ZNF260: variants seen among roughly 807,000 people sequenced by gnomAD.
The protein encoded by ZNF260 is zfp-260.
In ZNF260, 21 loss-of-function variants were observed where a neutral mutation model predicts 29.3. That is an observed-to-expected ratio of 0.72 (90% CI 0.51 to 1.03). The LOEUF is 1.03. ZNF260 is among the 50% of genes least tolerant of loss of function. The pLI, the probability that ZNF260 is intolerant of heterozygous loss-of-function variation, is 0.00. For missense variants in ZNF260, 465 were observed against 487.8 expected, an observed-to-expected ratio of 0.95 and a Z score of 0.44; for synonymous variants, 156 against 156.8, an observed-to-expected ratio of 0.99 and a Z score of 0.04.
intron 1 of ZNF260, among the ~76,000 whole-genome samples, chr19:36,525,622 A>G (rs549136589): frequency 1.4e-4 from 21 of 152,042 alleles, no homozygotes; most frequent in Non-Finnish European, 5.9e-5. Context: ...CCCTGTCTCT[A>G]CTAAAAATAC....
chr19:36,521,415 C>A (rs946578521), intron 2 of ZNF260, among the ~76,000 whole-genome samples: 2 of 152,010 alleles, frequency 1.3e-5, no homozygotes, highest in African/African-American at 4.8e-5. Flanking sequence ...ATAATCAGAA[C>A]AACAAGTAAA....
intron 2 of ZNF260, among the ~76,000 whole-genome samples, chr19:36,521,272 C>G (rs2034641213): frequency 6.6e-6 from 1 of 152,176 alleles, no homozygotes; most frequent in African/African-American, 2.4e-5. Flanking sequence ...ACTTATGCTA[C>G]TATATTCCAA....
At chr19:36,520,451 C>T (rs868231407) in intron 2 of ZNF260, among the ~76,000 whole-genome samples, 64 of 152,056 alleles carry the variant, frequency 4.2e-4, no homozygotes, top group Admixed American at 1.1e-3. Flanking sequence ...GCAAGTATAA[C>T]CGATGCGAAC....
chr19:36,514,530 T>C lies in ZNF260; in HGVS notation c.709A>G (p.Arg237Gly). ...KAFIQKSSLIRHQRSHTGEKP... is the reference protein window; with the variant it reads ...KAFIQKSSLIGHQRSHTGEKP... ...TCTCCTGTGTGACTTCTCTGGTGTC[T>C]AATGAGGCTTGACTTCTGAATGAAA... Residue 237 changes from arginine (R) to glycine (G), a missense_variant, in exon 3 of 3, where the codon AGA becomes GGA. Coordinates refer to ENST00000523638, the MANE Select transcript of ZNF260 (RefSeq NM_001166037.2). 6.2e-7 allele frequency: 1 copy of C among 1,614,020 alleles called. No individual in the cohort carries two copies. The highest frequency in any genetic ancestry group is 8.5e-7 in the Non-Finnish European group (1 of 1,179,998).
At chr19:36,516,479 A>G (rs1406600197) in intron 2 of ZNF260, among the ~76,000 whole-genome samples, 1 of 152,174 alleles carries the variant, frequency 6.6e-6, no homozygotes, top group African/African-American at 2.4e-5. Flanking sequence ...AGTCCTAGCT[A>G]CTGAGGAGAT....
rs2034502365 is a variant in ZNF260 at position 36,514,276 on chromosome 19, T to C, written c.963A>G (p.Val321=). Reference sequence around the variant, plus strand: ...TATCACCTGTATGAATTCTCACATGTACAATAAGTGATGTGATTCGAGAGA... The same window carrying C: ...TATCACCTGTATGAATTCTCACATGCACAATAAGTGATGTGATTCGAGAGA... The part of the protein sequence containing the change: ...KAFSRITSLI[V]HVRIHTGDKP... Residue 321 remains valine, a synonymous_variant, in exon 3 of 3, where the codon GTA becomes GTG. Coordinates refer to ENST00000523638, the MANE Select transcript of ZNF260 (RefSeq NM_001166037.2). 10 of 1,614,156 alleles carry C rather than the reference T, an allele frequency of 6.2e-6. No homozygotes were observed. The highest frequency in any genetic ancestry group is 3.3e-4 in the Middle Eastern group (2 of 6,062).
rs2034500665 is a variant in ZNF260, at chr19:36,514,227, C to T, written c.1012G>A (p.Gly338Arg). The change falls in exon 3 of 3, where the codon GGG (glycine) becomes AGG (arginine). Residue 338 changes from glycine to arginine, a missense_variant. By Grantham distance (125) the Gly-to-Arg change is moderately radical. Coordinates refer to ENST00000523638, the MANE Select transcript of ZNF260 (RefSeq NM_001166037.2). The stretch of plus-strand genomic sequence containing the variant: ...GATGAGCTTTGACAGAAGGCTTTCC[C>T]ACAGACCTTACACTCATAAGGCTTA... ...GDKPYECKVC[G>R]KAFCQSSSLT... 2 of 1,614,086 alleles carry T rather than the reference C, an allele frequency of 1.2e-6. No homozygotes were observed. The highest frequency in any genetic ancestry group is 2.2e-5 in the South Asian group (2 of 91,076).
rs759900296 is a variant in ZNF260, at chr19:36,514,768, A to G, written c.471T>C (p.Ile157=). 6 of 1,613,696 alleles carry G rather than the reference A, an allele frequency of 3.7e-6. No individual in the cohort carries two copies. The highest frequency in any genetic ancestry group is 2.2e-5 in the East Asian group (1 of 44,864). The change falls in exon 3 of 3, where the codon ATT becomes ATC. Residue 157 remains isoleucine (I), a synonymous_variant. Transcript: ENST00000523638. ...GKAYLTEHEK[I]HTGEKPFECN... Reference sequence around the variant, plus strand: ...ATTCAAATGGTTTTTCTCCAGTATGAATTTTCTCATGCTCAGTGAGATATG... The same window carrying G: ...ATTCAAATGGTTTTTCTCCAGTATGGATTTTCTCATGCTCAGTGAGATATG...
At chr19:36,524,370 G>A (rs530551225) in intron 2 of ZNF260, among the ~76,000 whole-genome samples, 1 of 151,756 alleles carries the variant, frequency 6.6e-6, no homozygotes, top group Admixed American at 6.6e-5. Flanking sequence ...TAGTAAAGAC[G>A]GGGTTTCACC....
chr19:36,523,793 G>A lies in ZNF260; in HGVS notation c.-462+1362C>T, dbSNP rs190134519. 6.6e-4 allele frequency among the ~76,000 whole-genome samples: 101 copies of A among 151,914 alleles called. 1 individual carries two copies. The East Asian group carries it at 0.019, about 28-fold the overall frequency. On this transcript the variant is annotated intron_variant, in intron 2 of 2. Transcript: ENST00000523638. ...GGGTTTCACCATGTTGGTCAGGCTGGTCTCAAACTCCTGACCTCATGATCC... is the reference window on the plus strand; with the variant it reads ...GGGTTTCACCATGTTGGTCAGGCTGATCTCAAACTCCTGACCTCATGATCC...
At chr19:36,519,330 CA>C (rs1441607144) in intron 2 of ZNF260, among the ~76,000 whole-genome samples, 1 of 152,052 alleles carries the variant, frequency 6.6e-6, no homozygotes, top group Non-Finnish European at 1.5e-5. Flanking sequence ...GTTTACCAGT[CA>C]ACAATGCTTA....
rs2034444367 is a variant in ZNF260, at chr19:36,511,109, C to T, written c.*2891G>A. The T allele has an allele frequency of 1.3e-5, 2 of 152,104 alleles. No individual in the cohort carries two copies. Among genetic ancestry groups the T allele is most frequent in the South Asian group, 2.1e-4 (1 of 4,824 alleles). 9.4% of individuals were successfully genotyped at this position (152,104 alleles called of 1,614,324 possible). On this transcript the variant is annotated 3_prime_UTR_variant, in exon 3 of 3. Coordinates refer to ENST00000523638, the MANE Select transcript of ZNF260 (RefSeq NM_001166037.2). ...TGTCATTTTCAATCTTATCTCAAGACCAACCTTCAGAAATGCTAGTAAGTG... is the reference window on the plus strand; with the variant it reads ...TGTCATTTTCAATCTTATCTCAAGATCAACCTTCAGAAATGCTAGTAAGTG...
In ZNF260 at chr19:36,514,092, T is replaced by C. The variant is rs1181011674; in HGVS notation, c.1147A>G (p.Thr383Ala). Residue 383 changes from threonine to alanine, a missense_variant, in exon 3 of 3, where the codon ACT (threonine) becomes GCT (alanine). Thr to Ala is a moderately conservative substitution (Grantham distance 58). Transcript: ENST00000523638. ...CTACACTGATAAGGTTTTTCACCAG[T>C]ATGGATTCTCATGTGCAGAGCAAGG... ...STLALHMRIH[T>A]GEKPYQCSEC... The C allele has an allele frequency of 6.2e-7, 1 of 1,614,076 alleles. No homozygotes were observed. Among genetic ancestry groups the C allele is most frequent in the Admixed American group, 1.7e-5 (1 of 60,004 alleles).
chr19:36,511,025 AGATTC>A lies in ZNF260; in HGVS notation c.*2970_*2974del, dbSNP rs1038753831. 21 of 152,206 alleles carry A rather than the reference AGATTC, an allele frequency of 1.4e-4. No individual in the cohort carries two copies. Among genetic ancestry groups the A allele is most frequent in the Admixed American group, 1.3e-3 (20 of 15,284 alleles). 9.4% of individuals were successfully genotyped at this position (152,206 alleles called of 1,614,324 possible). ...AATGAGGAACAGAAGAAGACAGTTT[AGATTC>A]ATGTACACATACATATATTTTATTT... is the stretch of plus-strand genomic sequence containing the variant. On this transcript the variant is annotated 3_prime_UTR_variant, in exon 3 of 3. Transcript: ENST00000523638.
At position 36,512,643 on chromosome 19, in the gene ZNF260, T is replaced by G. The variant is rs981913599; in HGVS notation, c.*1357A>C. ...TACTAGGGCTGGTTAGTGTTGATTTTATTCAAATTCACAGAAGCATCATTA... is the reference window on the plus strand; with the variant it reads ...TACTAGGGCTGGTTAGTGTTGATTTGATTCAAATTCACAGAAGCATCATTA... On this transcript the variant is annotated 3_prime_UTR_variant, in exon 3 of 3. Coordinates refer to ENST00000523638, the MANE Select transcript of ZNF260 (RefSeq NM_001166037.2). 3.3e-5 allele frequency: 5 copies of G among 152,178 alleles called. No individual in the cohort carries two copies. Among genetic ancestry groups the G allele is most frequent in the Non-Finnish European group, 7.4e-5 (5 of 68,020 alleles). 9.4% of individuals were successfully genotyped at this position (152,178 alleles called of 1,614,324 possible).
rs2034438154 is a variant in ZNF260, at chr19:36,510,756, C to T, written c.*3244G>A. On this transcript the variant is annotated 3_prime_UTR_variant, in exon 3 of 3. Coordinates refer to ENST00000523638, the MANE Select transcript of ZNF260 (RefSeq NM_001166037.2). ...GGCAAATAAGCAAACTGTGAGTAAA[C>T]GAGGGCAGCTGAATAAATTTACAGT... is the stretch of plus-strand genomic sequence containing the variant. The T allele has an allele frequency of 6.6e-6, 1 of 152,052 alleles. No homozygotes were observed. Among genetic ancestry groups the T allele is most frequent in the African/African-American group, 2.4e-5 (1 of 41,368 alleles). 9.4% of individuals were successfully genotyped at this position (152,052 alleles called of 1,614,324 possible).
chr19:36,515,162 G>A lies in ZNF260; in HGVS notation c.77C>T (p.Pro26Leu). 3.1e-6 allele frequency: 5 copies of A among 1,613,602 alleles called. No individual in the cohort carries two copies. The highest frequency in any genetic ancestry group is 2.5e-6 in the Non-Finnish European group (3 of 1,179,690). ...QHDQIHTGEK[P>L]YECNECRKTF... ...TTTTCTACATTCATTACATTCATAAGGTTTCTCTCCAGTATGAATTTGATC... is the reference window on the plus strand; with the variant it reads ...TTTTCTACATTCATTACATTCATAAAGTTTCTCTCCAGTATGAATTTGATC... The change falls in exon 3 of 3, where the codon CCT becomes CTT. Residue 26 changes from proline (P) to leucine (L), a missense_variant. Coordinates refer to ENST00000523638, the MANE Select transcript of ZNF260 (RefSeq NM_001166037.2).
chr19:36,514,937 T>C lies in ZNF260; in HGVS notation c.302A>G (p.His101Arg). ...TTTCTCTCCAGTGTGATGTTTCTGA[T>C]GAGAAAGGAAGTTTTCCTTCTGGCT... ...AFSQKENFLS[H>R]QKHHTGEKPY... is the part of the protein sequence containing the mutation. The change falls in exon 3 of 3, where the codon CAT becomes CGT. Residue 101 changes from histidine to arginine, a missense_variant. By Grantham distance (29) the His-to-Arg change is conservative. Coordinates refer to ENST00000523638, the MANE Select transcript of ZNF260 (RefSeq NM_001166037.2). 1.2e-6 allele frequency: 2 copies of C among 1,614,160 alleles called. No individual in the cohort carries two copies. Among genetic ancestry groups the C allele is most frequent in the Non-Finnish European group, 1.7e-6 (2 of 1,180,002 alleles).
At chr19:36,526,243 T>C (rs556453470) in intron 1 of ZNF260, among the ~76,000 whole-genome samples, 1 of 152,212 alleles carries the variant, frequency 6.6e-6, no homozygotes, top group Admixed American at 6.5e-5. Flanking sequence ...TCAAGTCCCT[T>C]ATACTTCAAA....
Sources: gnomAD v4.1 joint callset for allele counts (sites outside exome capture counted in the v4.1 genomes callset) on GRCh38, gnomAD v4.1.1 for gene constraint, MANE v1.5 for transcripts, NCBI Gene and HGNC (gene_info 2026-07-23, HGNC 2026-07-21) for gene names.